The following ACER2 variants were observed in gnomAD, a reference collection of about 807,000 sequenced individuals.
ACER2 encodes the protein alkCDase 2.
ACER2 carries 26 observed loss-of-function variants against 34.7 expected under a neutral mutation model. The ratio of observed to expected loss-of-function variants is 0.75; its 90% CI spans 0.55 to 1.04. ACER2 has a LOEUF of 1.04. Among genes scored for constraint, ACER2 ranks in the 50% least tolerant of loss-of-function variants. ACER2 has a pLI of 0.00. For synonymous variants in ACER2, 138 were observed against 132.1 expected, an observed-to-expected ratio of 1.04 and a Z score of -0.31; for missense variants, 352 against 340.8, an observed-to-expected ratio of 1.03 and a Z score of -0.26.
intron 4 of ACER2, among the ~76,000 whole-genome samples, chr9:19,441,472 T>C (rs1589063271): frequency 6.6e-6 from 1 of 152,212 alleles, no homozygotes. Flanking sequence ...CCTTCCATCC[T>C]CAGCCACTCT....
Position 19,409,063 on chromosome 9 carries a change from G to A in ACER2, c.-22G>A. 1.9e-6 allele frequency: 3 copies of A among 1,555,812 alleles called. No homozygotes were observed. The highest frequency in any genetic ancestry group is 1.7e-6 in the Non-Finnish European group (2 of 1,150,898). On this transcript the variant is annotated 5_prime_UTR_variant, in exon 1 of 6. Transcript: ENST00000340967. ...GCTCTTCTCAGCTGCGCGAGCAGCTGCTCCAATGCCCCGGAGTGGCCATGG... is the reference window on the plus strand; with the variant it reads ...GCTCTTCTCAGCTGCGCGAGCAGCTACTCCAATGCCCCGGAGTGGCCATGG...
chr9:19,411,308 G>C (rs1232161375), intron 1 of ACER2, among the ~76,000 whole-genome samples: 2 of 152,240 alleles, frequency 1.3e-5, no homozygotes, highest in African/African-American at 4.8e-5. Context: ...TAAGGTGTCA[G>C]AGAATAAGGT....
intron 5 of ACER2, 173 bp from the exon 6 acceptor site, chr9:19,450,277 T>G (rs1831518842): frequency 1.0e-6 from 1 of 985,336 alleles, no homozygotes; most frequent in Non-Finnish European, 1.2e-6. Flanking sequence ...TTTATCATCC[T>G]GCTATTCCAG....
rs1399653974 is a variant in ACER2, at chr9:19,446,448, G to C, written c.641+30G>C. On this transcript the variant is annotated intron_variant, in intron 5 of 5. Transcript: ENST00000340967. ...GCCCCTGCTAATGGGGAGGTGGCCG[G>C]GGACAGGTGTGTTTGCACTTGCTGT... 4.3e-6 allele frequency: 7 copies of C among 1,613,662 alleles called. No individual in the cohort carries two copies. In the African/African-American group the frequency reaches 9.3e-5, roughly 22 times the overall value.
At chr9:19,436,062 A>T (rs1299228390) in intron 4 of ACER2, among the ~76,000 whole-genome samples, 1 of 149,004 alleles carries the variant, frequency 6.7e-6, no homozygotes. Context: ...AAACAGAAAA[A>T]GAAGAAAGAA....
chr9:19,445,963 G>A (rs1334835178), intron 4 of ACER2, among the ~76,000 whole-genome samples: 3 of 152,200 alleles, frequency 2.0e-5, no homozygotes, highest in African/African-American at 7.2e-5. Flanking sequence ...ATGTGAGAAG[G>A]AGAAAGATTG....
chr9:19,446,079 T>G, intron 4 of ACER2: 1 of 805,676 alleles, frequency 1.2e-6, no homozygotes, highest in Non-Finnish European at 2.2e-6. Flanking sequence ...GAAGCCTGGG[T>G]GGGAAGGGTG....
At chr9:19,427,030 CAT>C (rs1038961444) in intron 3 of ACER2, among the ~76,000 whole-genome samples, 21 of 152,186 alleles carry the variant, frequency 1.4e-4, no homozygotes, top group African/African-American at 5.1e-4. Flanking sequence ...CACTGGGTAC[CAT>C]ATGTGTATAT....
chr9:19,421,330 T>C (rs1397246009), intron 1 of ACER2, among the ~76,000 whole-genome samples: 5 of 152,172 alleles, frequency 3.3e-5, no homozygotes, highest in African/African-American at 4.8e-5. Flanking sequence ...ATTCAGACCA[T>C]AGTACCCAGC....
intron 3 of ACER2, among the ~76,000 whole-genome samples, chr9:19,429,887 A>G (rs1452521679): frequency 2.6e-5 from 4 of 152,126 alleles, no homozygotes; most frequent in Non-Finnish European, 4.4e-5. Context: ...TGCTGTAACT[A>G]TCAAGGGCTG....
At chr9:19,441,101 G>A (rs1370316432) in intron 4 of ACER2, among the ~76,000 whole-genome samples, 1 of 147,662 alleles carries the variant, frequency 6.8e-6, no homozygotes, top group Non-Finnish European at 1.5e-5. Context: ...AGGCTGGAGT[G>A]CAGTGGCATG....
intron 1 of ACER2, among the ~76,000 whole-genome samples, chr9:19,422,290 C>T (rs1257810364): frequency 1.3e-5 from 2 of 151,372 alleles, no homozygotes; most frequent in Non-Finnish European, 2.9e-5. Context: ...CAGAGTAATA[C>T]CCTGTCTCTA....
intron 4 of ACER2, among the ~76,000 whole-genome samples, chr9:19,443,994 A>G (rs1180385187): frequency 6.6e-6 from 1 of 151,986 alleles, no homozygotes; most frequent in Non-Finnish European, 1.5e-5. Context: ...TAATAAATTC[A>G]TAGTTTCAAC....
chr9:19,428,723 G>T (rs10125228), intron 3 of ACER2, among the ~76,000 whole-genome samples: 1 of 145,800 alleles, frequency 6.9e-6, no homozygotes, highest in African/African-American at 2.5e-5. Context: ...CTCACACAGA[G>T]TAAAGACTCA....
intron 4 of ACER2, among the ~76,000 whole-genome samples, chr9:19,445,951 C>G (rs924564401): frequency 2.1e-4 from 32 of 152,072 alleles, no homozygotes; most frequent in African/African-American, 7.7e-4. Flanking sequence ...TAGATGTGGG[C>G]TATGTGAGAA....
rs1472134694 is a variant in ACER2, at chr9:19,424,897, C to T, written c.365+56C>T. The T allele has an allele frequency of 1.1e-5, 18 of 1,599,940 alleles. No homozygotes were observed. In the South Asian group the frequency reaches 1.8e-4, roughly 16 times the overall value. On this transcript the variant is annotated intron_variant, in intron 3 of 5. Coordinates refer to ENST00000340967, the MANE Select transcript of ACER2 (RefSeq NM_001010887.3). ...CCACTAGGTGCAGTACCCAATATAA[C>T]AATGTATATATGAAGAAAAATAGCA...
At chr9:19,434,737 C>T (rs1445947113) in intron 3 of ACER2, among the ~76,000 whole-genome samples, 9 of 151,736 alleles carry the variant, frequency 5.9e-5, no homozygotes, top group Admixed American at 5.2e-4. Context: ...AGTCCAGCTT[C>T]GGCTCGGCAT....
At chr9:19,413,512 A>G (rs1024149678) in intron 1 of ACER2, among the ~76,000 whole-genome samples, 4 of 151,894 alleles carry the variant, frequency 2.6e-5, no homozygotes, top group African/African-American at 9.7e-5. Flanking sequence ...AGGCAGGAGA[A>G]TTGCTTGAAC....
chr9:19,420,749 GT>G (rs1830380335), intron 1 of ACER2, among the ~76,000 whole-genome samples: 1 of 152,138 alleles, frequency 6.6e-6, no homozygotes, highest in Admixed American at 6.5e-5. Context: ...AGGCTGGAAG[GT>G]CCAAGATCAA....
Sources: allele counts gnomAD v4.1 joint callset (sites outside exome capture counted in the v4.1 genomes callset), GRCh38; gene constraint gnomAD v4.1.1; transcripts MANE v1.5; gene names NCBI Gene and HGNC (gene_info 2026-07-23, HGNC 2026-07-21).